FRMD4B: variants seen among roughly 807,000 people sequenced by gnomAD.
The protein encoded by FRMD4B is FERM domain containing 4B, also known as FERM domain-containing protein 4B.
In FRMD4B, 74 loss-of-function variants were observed where a neutral mutation model predicts 141.5. That is an observed-to-expected ratio of 0.52 (90% CI 0.43 to 0.63). FRMD4B has a LOEUF of 0.63. FRMD4B is among the 30% of genes least tolerant of loss of function. The probability of loss-of-function intolerance (pLI) is 0.00; values close to 1 mark genes in which losing one functional copy is unlikely to be tolerated. For missense variants in FRMD4B, 1,366 were observed against 1,253.4 expected (o/e 1.09, Z -1.36); for synonymous variants, 506 against 467.9 (o/e 1.08, Z -1.05).
At chr3:69,418,008 G>A (rs1438910960) in intron 2 of FRMD4B, among the ~76,000 whole-genome samples, 1 of 151,966 alleles carries the variant, frequency 6.6e-6, no homozygotes, top group Non-Finnish European at 1.5e-5. Flanking sequence ...GTCTTGTGAT[G>A]GTATGAAGGG....
intron 20 of FRMD4B, among the ~76,000 whole-genome samples, 191 bp from the exon 21 acceptor site, chr3:69,181,901 C>T (rs1314782874): frequency 6.6e-6 from 1 of 151,998 alleles, no homozygotes; most frequent in Non-Finnish European, 1.5e-5. Context: ...TCATTTTGAC[C>T]ATGGTCAAAA....
intron 5 of FRMD4B, among the ~76,000 whole-genome samples, chr3:69,265,448 CTTTTTTT>C (rs560029423): frequency 1.1e-5 from 1 of 93,596 alleles, no homozygotes; most frequent in Non-Finnish European, 2.0e-5. Context: ...TTTATTTGTC[CTTTTTTT>C]TTTTTTTTTT....
At chr3:69,414,554 A>ATCCG (rs1159681844) in intron 2 of FRMD4B, among the ~76,000 whole-genome samples, 1 of 152,258 alleles carries the variant, frequency 6.6e-6, no homozygotes, top group East Asian at 1.9e-4. Flanking sequence ...TTAGGGCGTG[A>ATCCG]TCCGCCTGCC....
intron 2 of FRMD4B, among the ~76,000 whole-genome samples, chr3:69,399,254 G>C (rs1377375618): frequency 1.3e-5 from 2 of 152,198 alleles, no homozygotes; most frequent in Non-Finnish European, 2.9e-5. Context: ...AAGCTTGTTT[G>C]TGGTCCAGTT....
intron 1 of FRMD4B, among the ~76,000 whole-genome samples, chr3:69,360,651 T>C (rs1263258028): frequency 6.6e-6 from 1 of 152,216 alleles, no homozygotes; most frequent in Non-Finnish European, 1.5e-5. Context: ...TAAATTCTCC[T>C]AGCACCTAAG....
In FRMD4B at chr3:69,193,930, T is replaced by G. The variant is rs2092869950; in HGVS notation, c.1489-57A>C. On this transcript the variant is annotated intron_variant, in intron 16 of 22. Coordinates refer to ENST00000398540, the MANE Select transcript of FRMD4B (RefSeq NM_015123.3). ...TGGACACATACAATCAACTCTTACA[T>G]GCATTGTGTAATAAAACTTCCTGTG... 3.8e-6 allele frequency: 4 copies of G among 1,061,562 alleles called. No homozygotes were observed. The Admixed American group carries it at 9.0e-5, about 24-fold the overall frequency. 65.8% of individuals were successfully genotyped at this position (1,061,562 alleles called of 1,614,324 possible).
At chr3:69,242,695 GAA>G (rs534090647) in intron 7 of FRMD4B, among the ~76,000 whole-genome samples, 2 of 124,670 alleles carry the variant, frequency 1.6e-5, no homozygotes, top group Non-Finnish European at 1.7e-5. Flanking sequence ...AAAATCTTAG[GAA>G]AAAAAAAAAA....
At chr3:69,397,667 A>G (rs1460647184) in intron 2 of FRMD4B, among the ~76,000 whole-genome samples, 1 of 152,218 alleles carries the variant, frequency 6.6e-6, no homozygotes, top group East Asian at 1.9e-4. Context: ...GATTAGGCAA[A>G]TCTATATAGA....
At chr3:69,472,994 G>T (rs1705922939) in intron 1 of FRMD4B, among the ~76,000 whole-genome samples, 1 of 126,912 alleles carries the variant, frequency 7.9e-6, no homozygotes, top group Non-Finnish European at 1.6e-5. Flanking sequence ...AATTCCCTCT[G>T]GGCATTATTT....
chr3:69,255,988 TC>T (rs1470279019), intron 5 of FRMD4B, among the ~76,000 whole-genome samples: 1 of 152,096 alleles, frequency 6.6e-6, no homozygotes, highest in East Asian at 1.9e-4. Flanking sequence ...TCCCAGCTAC[TC>T]AGAAGACTGA....
At chr3:69,237,543 G>C (rs1254142795) in intron 7 of FRMD4B, among the ~76,000 whole-genome samples, 1 of 152,188 alleles carries the variant, frequency 6.6e-6, no homozygotes, top group Non-Finnish European at 1.5e-5. Flanking sequence ...CTACAGGTGT[G>C]AGCATGCAAA....
In FRMD4B at chr3:69,478,777, G is replaced by C. The variant is rs996828762; in HGVS notation, c.-128-46016C>G. 4.3e-4 allele frequency among the ~76,000 whole-genome samples: 66 copies of C among 152,108 alleles called. 1 individual carries two copies. The highest frequency in any genetic ancestry group is 6.8e-3 in the Middle Eastern group (2 of 294). On this transcript the variant is annotated intron_variant, in intron 1 of 5. Coordinates refer to the FRMD4B transcript ENST00000459638. ...GGTATCCTTGTTAACTTTCTGTCTC[G>C]TTGATCTGTCTAAAGTTGACAGTGG...
intron 1 of FRMD4B, among the ~76,000 whole-genome samples, chr3:69,450,423 C>T (rs529422664): frequency 6.6e-6 from 1 of 152,026 alleles, no homozygotes; most frequent in African/African-American, 2.4e-5. Context: ...CAGGTTCATT[C>T]CAGCCTGGGT....
At chr3:69,345,222 C>T (rs6802833) in intron 1 of FRMD4B, among the ~76,000 whole-genome samples, 23,983 of 152,198 alleles carry the variant, frequency 0.16, 2,531 homozygotes, top group African/African-American at 0.29. Flanking sequence ...CCCATGCCCA[C>T]GGAGCCTCGC....
chr3:69,254,745 T>C (rs1035465666), intron 5 of FRMD4B, among the ~76,000 whole-genome samples: 6 of 152,130 alleles, frequency 3.9e-5, no homozygotes, highest in African/African-American at 1.4e-4. Context: ...ACTCCCACCA[T>C]GGCTGATTTC....
intron 1 of FRMD4B, among the ~76,000 whole-genome samples, chr3:69,502,106 C>A (rs1706508444): frequency 6.6e-6 from 1 of 152,058 alleles, no homozygotes; most frequent in Non-Finnish European, 1.5e-5. Context: ...GCCATACTGC[C>A]CAAGGTAATT....
At chr3:69,477,932 G>C (rs1380005638) in intron 1 of FRMD4B, among the ~76,000 whole-genome samples, 1 of 151,394 alleles carries the variant, frequency 6.6e-6, no homozygotes, top group African/African-American at 2.4e-5. Context: ...TTTAGTCTTG[G>C]GAGGGTGTAT....
intron 1 of FRMD4B, among the ~76,000 whole-genome samples, chr3:69,315,434 G>A (rs1395227518): frequency 6.6e-6 from 1 of 152,046 alleles, no homozygotes; most frequent in Non-Finnish European, 1.5e-5. Context: ...TTTTGCAAAT[G>A]AAGTACTCTT....
At chr3:69,258,791 T>C (rs17005571) in intron 5 of FRMD4B, among the ~76,000 whole-genome samples, 5,656 of 152,262 alleles carry the variant, frequency 0.037, 159 homozygotes, top group East Asian at 0.1. Context: ...GAAGTCTGAT[T>C]GGACTGGGAC....
Sources: gnomAD v4.1 joint callset for allele counts (sites outside exome capture counted in the v4.1 genomes callset) on GRCh38, gnomAD v4.1.1 for gene constraint, MANE v1.5 for transcripts, NCBI Gene and HGNC (gene_info 2026-07-23, HGNC 2026-07-21) for gene names.